CCDC196: variants seen among roughly 807,000 people sequenced by gnomAD.
CCDC196 encodes the protein coiled-coil domain-containing protein 196.
chr14:66,490,216 G>A (rs1263471666), intron 4 of CCDC196, among the ~76,000 whole-genome samples: 8 of 128,232 alleles, frequency 6.2e-5, no homozygotes, highest in Non-Finnish European at 1.2e-4. Context: ...CTCTCAAAAG[G>A]GACATCTATA....
At chr14:66,489,621 T>C (rs1440015933) in intron 4 of CCDC196, among the ~76,000 whole-genome samples, 1 of 152,216 alleles carries the variant, frequency 6.6e-6, no homozygotes, top group Non-Finnish European at 1.5e-5. Context: ...GTTTCTTGTT[T>C]CCCTGCCTCC....
intron 8 of CCDC196, chr14:66,495,734 T>C (rs1566717494): frequency 6.5e-6 from 1 of 153,326 alleles, no homozygotes; most frequent in African/African-American, 2.4e-5. Flanking sequence ...TGAAATGCTG[T>C]GGGAGAGATC....
intron 7 of CCDC196, 146 bp from the exon 8 acceptor site, chr14:66,491,907 A>G (rs2139595827): frequency 2.5e-6 from 1 of 405,624 alleles, no homozygotes. Flanking sequence ...CTAAATGGGG[A>G]AAAATCACAA....
At chr14:66,492,237 GT>G (rs1423994264) in intron 8 of CCDC196, 43 bp downstream of exon 8, 20 of 412,420 alleles carry the variant, frequency 4.8e-5, no homozygotes, top group Non-Finnish European at 4.4e-6. Flanking sequence ...GTTTTGTTTT[GT>G]TTATTTTATA....
intron 8 of CCDC196, among the ~76,000 whole-genome samples, chr14:66,495,165 C>T (rs1482761473): frequency 1.3e-5 from 2 of 152,094 alleles, no homozygotes; most frequent in Non-Finnish European, 2.9e-5. Context: ...AATGCCTTGT[C>T]CCAACACCGA....
intron 3 of CCDC196, among the ~76,000 whole-genome samples, chr14:66,488,537 G>A (rs530946530): frequency 6.6e-6 from 1 of 152,212 alleles, no homozygotes; most frequent in Non-Finnish European, 1.5e-5. Context: ...ATTTCAGAAA[G>A]AATAGTAAAA....
chr14:66,491,998 T>C lies in CCDC196; in HGVS notation c.574-55T>C, dbSNP rs527457081. 5 of 412,046 alleles carry C rather than the reference T, an allele frequency of 1.2e-5. No individual in the cohort carries two copies. In the South Asian group the frequency reaches 3.8e-4, roughly 32 times the overall value. 25.5% of individuals were successfully genotyped at this position (412,046 alleles called of 1,614,324 possible). On this transcript the variant is annotated intron_variant, in intron 7 of 9. Transcript: ENST00000636229. ...TGGGTAAAGAGGATTCAGGTAACAA[T>C]GGATTCAGAGAAGCCAATCCTATAT...
intron 7 of CCDC196, 116 bp from the exon 8 acceptor site, chr14:66,491,937 T>C (rs1260252184): frequency 2.5e-6 from 1 of 406,752 alleles, no homozygotes; most frequent in Non-Finnish European, 4.4e-6. Context: ...ACCCAACTTT[T>C]AAAGACTGAG....
At position 66,489,013 on chromosome 14, in the gene CCDC196, G is replaced by A; in HGVS notation, c.327G>A (p.Lys109=). 2.4e-6 allele frequency: 1 copy of A among 413,266 alleles called. No homozygotes were observed. Among genetic ancestry groups the A allele is most frequent in the Non-Finnish European group, 4.4e-6 (1 of 225,986 alleles). The allele number at this position is 413,266 out of a possible 1,614,324, so 25.6% of individuals were successfully genotyped here. Residue 109 remains lysine (K), a synonymous_variant, in exon 4 of 10, where the codon AAG becomes AAA. Transcript: ENST00000636229. ...AAAGGAAAAACAAGATGCTTCGGAAGGAAATGGAGATGCTATGGAACAAGG... is the reference window on the plus strand; with the variant it reads ...AAAGGAAAAACAAGATGCTTCGGAAAGAAATGGAGATGCTATGGAACAAGG... ...NLERKNKMLR[K]EMEMLWNKTF... is the part of the protein sequence containing the mutation.
intron 2 of CCDC196, 121 bp downstream of exon 2, chr14:66,486,930 G>A (rs140728676): frequency 2.5e-6 from 1 of 402,208 alleles, no homozygotes; most frequent in Admixed American, 4.4e-5. Flanking sequence ...TGGACATTCA[G>A]CTGTAGCAGG....
At chr14:66,496,583 A>C in intron 8 of CCDC196, 2 of 345,518 alleles carry the variant, frequency 5.8e-6, no homozygotes, top group East Asian at 1.5e-4. Context: ...AATTTGATTC[A>C]GGGTGTATTG....
Position 66,486,445 on chromosome 14 carries a change from GA to G in CCDC196, c.-51del. 6 of 402,256 alleles carry G rather than the reference GA, an allele frequency of 1.5e-5. No individual in the cohort carries two copies. The highest frequency in any genetic ancestry group is 2.2e-5 in the Non-Finnish European group (5 of 225,830). The allele number at this position is 402,256 out of a possible 1,614,324, so 24.9% of individuals were successfully genotyped here. On this transcript the variant is annotated 5_prime_UTR_variant, in exon 1 of 10. Transcript: ENST00000636229. ...ACAAAAATAATGACTTAACTGGATA[GA>G]AAAAAAGGCACATATTTTCAGGAAG...
chr14:66,496,045 A>G (rs993347296), intron 8 of CCDC196, among the ~76,000 whole-genome samples: 3 of 152,334 alleles, frequency 2.0e-5, no homozygotes, highest in Admixed American at 2.0e-4. Context: ...AAAAGAAAAA[A>G]TGAGCACTAA....
chr14:66,498,476 G>A lies in CCDC196; in HGVS notation c.*4G>A. ...AGATGAAGCACTGAAGAATTAGCAG[G>A]CTTTCGCTCCATTTGCTTTGGACAG... On this transcript the variant is annotated 3_prime_UTR_variant, in exon 10 of 10. Transcript: ENST00000636229. 1 of 413,380 alleles carries A rather than the reference G, an allele frequency of 2.4e-6. No individual in the cohort carries two copies. Among genetic ancestry groups the A allele is most frequent in the Non-Finnish European group, 4.4e-6 (1 of 225,748 alleles). 25.6% of individuals were successfully genotyped at this position (413,380 alleles called of 1,614,324 possible).
At chr14:66,497,876 A>T (rs2057703257) in intron 8 of CCDC196, among the ~76,000 whole-genome samples, 1 of 151,998 alleles carries the variant, frequency 6.6e-6, no homozygotes, top group African/African-American at 2.4e-5. Context: ...ATTTACTTGC[A>T]TATAATTCTT....
intron 8 of CCDC196, among the ~76,000 whole-genome samples, chr14:66,493,062 G>C (rs189114054): frequency 6.6e-6 from 1 of 152,284 alleles, no homozygotes; most frequent in Admixed American, 6.5e-5. Flanking sequence ...AAGTATCTAT[G>C]AATATGAACT....
At chr14:66,498,045 C>A in intron 8 of CCDC196, 64 bp from the exon 9 acceptor site, 1 of 400,418 alleles carries the variant, frequency 2.5e-6, no homozygotes, top group Non-Finnish European at 4.5e-6. Flanking sequence ...CAAAACAAAA[C>A]TAGTGGTTTT....
chr14:66,487,020 C>G (rs2057418233), intron 2 of CCDC196, among the ~76,000 whole-genome samples: 1 of 152,148 alleles, frequency 6.6e-6, no homozygotes, highest in Admixed American at 6.6e-5. Context: ...ACTCAGCCCT[C>G]ATTTCGTGGG....
intron 8 of CCDC196, chr14:66,496,904 GC>G (rs1193160743): frequency 2.0e-5 from 3 of 152,436 alleles, no homozygotes; most frequent in Non-Finnish European, 2.9e-5. Context: ...TCAGATGAAA[GC>G]CCAGCGAAAT....
Sources: gnomAD v4.1 joint callset for allele counts (sites outside exome capture counted in the v4.1 genomes callset) on GRCh38, gnomAD v4.1.1 for gene constraint, MANE v1.5 for transcripts, NCBI Gene and HGNC (gene_info 2026-07-23, HGNC 2026-07-21) for gene names.